NOVA1: variants seen among roughly 807,000 people sequenced by gnomAD.
NOVA1 encodes the protein RNA-binding protein Nova-1.
Under a neutral mutation model 38.0 loss-of-function variants are expected in NOVA1, and 7 were observed. That is an observed-to-expected ratio of 0.18 (90% CI 0.10 to 0.35). The LOEUF (loss-of-function observed/expected upper bound fraction) is 0.35, where lower values mean the gene tolerates loss of function less well. Ranked by LOEUF, NOVA1 falls within the 10% of genes least tolerant of loss-of-function variation. NOVA1 has a pLI of 1.00. For synonymous variants in NOVA1, 270 were observed against 232.5 expected (o/e 1.16, Z -1.47); for missense variants, 460 against 616.0 (o/e 0.75, Z 2.68).
At chr14:26,475,291 A>G (rs1187653383) in intron 3 of NOVA1, among the ~76,000 whole-genome samples, 3 of 152,144 alleles carry the variant, frequency 2.0e-5, no homozygotes, top group Non-Finnish European at 4.4e-5. Context: ...TTGGCCTCCT[A>G]AAAGTGCTCA....
intron 2 of NOVA1, among the ~76,000 whole-genome samples, chr14:26,565,786 T>C (rs1426104455): frequency 6.6e-6 from 1 of 152,160 alleles, no homozygotes; most frequent in Non-Finnish European, 1.5e-5. Context: ...CTTTTTAATC[T>C]TCTTTAATCC....
rs76339268 is a variant in NOVA1, at chr14:26,550,494, T to C, written c.280+44916A>G. Among the ~76,000 whole-genome samples the C allele has an allele frequency of 6.6e-5, 10 of 152,274 alleles. No individual in the cohort carries two copies. In the East Asian group the frequency reaches 1.9e-3, roughly 29 times the overall value. The stretch of plus-strand genomic sequence containing the variant: ...AAGAATGAATCAACCAAGTTTGAGA[T>C]CACTTTAGCTCATTAGTACAGAAAA... On this transcript the variant is annotated intron_variant, in intron 2 of 4. Transcript: ENST00000539517.
chr14:26,534,502 T>C (rs1316421482), intron 2 of NOVA1, among the ~76,000 whole-genome samples: 1 of 151,566 alleles, frequency 6.6e-6, no homozygotes, highest in Non-Finnish European at 1.5e-5. Context: ...ACTATAAAAA[T>C]AAAAAAACAT....
intron 4 of NOVA1, among the ~76,000 whole-genome samples, chr14:26,456,027 A>G (rs1289953368): frequency 6.6e-6 from 1 of 152,004 alleles, no homozygotes; most frequent in Non-Finnish European, 1.5e-5. Flanking sequence ...CTTTGAAATC[A>G]TTATTATTTT....
At chr14:26,507,130 C>G (rs995881361) in intron 2 of NOVA1, among the ~76,000 whole-genome samples, 1 of 152,042 alleles carries the variant, frequency 6.6e-6, no homozygotes, top group Admixed American at 6.6e-5. Flanking sequence ...CATAAATTAG[C>G]ATTTGTTTTA....
At chr14:26,505,984 T>G (rs1041203515) in intron 2 of NOVA1, among the ~76,000 whole-genome samples, 1 of 152,108 alleles carries the variant, frequency 6.6e-6, no homozygotes, top group African/African-American at 2.4e-5. Flanking sequence ...AATGATACAT[T>G]TAGTGAAATT....
chr14:26,585,794 CA>C (rs1296202303), intron 2 of NOVA1, among the ~76,000 whole-genome samples: 1 of 49,574 alleles, frequency 2.0e-5, no homozygotes, highest in East Asian at 6.9e-4. Flanking sequence ...GCATGCTAAA[CA>C]GAACGCAAAA....
intron 2 of NOVA1, among the ~76,000 whole-genome samples, chr14:26,480,423 C>T (rs1671229591): frequency 6.6e-6 from 1 of 152,054 alleles, no homozygotes; most frequent in Non-Finnish European, 1.5e-5. Flanking sequence ...ATAACAAATA[C>T]TTATTGAGTA....
At chr14:26,474,224 T>C (rs934515777) in intron 3 of NOVA1, among the ~76,000 whole-genome samples, 1 of 151,980 alleles carries the variant, frequency 6.6e-6, no homozygotes, top group African/African-American at 2.4e-5. Context: ...AGAATCCATG[T>C]TGATTAACCT....
chr14:26,455,499 G>A (rs530355543), intron 4 of NOVA1, among the ~76,000 whole-genome samples: 1 of 152,094 alleles, frequency 6.6e-6, no homozygotes, highest in African/African-American at 2.4e-5. Context: ...AGCATTATGA[G>A]AAAATTCTGT....
intron 2 of NOVA1, among the ~76,000 whole-genome samples, chr14:26,488,574 C>CAA (rs1324106785): frequency 6.6e-6 from 1 of 151,894 alleles, no homozygotes; most frequent in African/African-American, 2.4e-5. Context: ...TGAGGCCATG[C>CAA]AAAAAACAGT....
At chr14:26,580,073 T>C (rs184213971) in intron 2 of NOVA1, among the ~76,000 whole-genome samples, 70 of 152,018 alleles carry the variant, frequency 4.6e-4, no homozygotes, top group African/African-American at 1.7e-3. Context: ...TAAAAAAATC[T>C]TACTAACAGC....
chr14:26,520,168 G>A (rs1888766440), intron 2 of NOVA1, among the ~76,000 whole-genome samples: 1 of 152,206 alleles, frequency 6.6e-6, no homozygotes, highest in Non-Finnish European at 1.5e-5. Context: ...CCTAATTCAT[G>A]TAAAGTTGAC....
At chr14:26,491,818 C>T (rs1040954247) in intron 2 of NOVA1, among the ~76,000 whole-genome samples, 8 of 152,094 alleles carry the variant, frequency 5.3e-5, no homozygotes, top group African/African-American at 1.2e-4. Context: ...CAGTACCAGA[C>T]TCTTTTGGTT....
chr14:26,448,053 G>T lies in NOVA1; in HGVS notation c.1430C>A (p.Thr477Lys), dbSNP rs866178811. The change falls in exon 5 of 5, where the codon ACA becomes AAA. Residue 477 changes from threonine (T) to lysine (K), a missense_variant. Thr to Lys is a moderately conservative substitution (Grantham distance 78). Coordinates refer to ENST00000539517, the MANE Select transcript of NOVA1 (RefSeq NM_002515.3). This position sits in a 1 kb window ranked among gnomAD's most constrained non-coding sequence, Gnocchi z 5.3. The stretch of plus-strand genomic sequence containing the variant: ...TTGAGCAGCCTGTGTTGCAGCTGGT[G>T]TTCCAGTAATGGTTACCTTCCGATT... ...TRNRKVTITG[T>K]PAATQAAQYL... The T allele has an allele frequency of 6.2e-7, 1 of 1,614,064 alleles. No homozygotes were observed.
At chr14:26,549,914 A>G (rs1891061960) in intron 2 of NOVA1, 2 of 304,634 alleles carry the variant, frequency 6.6e-6, no homozygotes, top group South Asian at 3.0e-5. Context: ...AATATATAAG[A>G]ACAAAGTGGC....
chr14:26,511,580 T>C (rs374648378), intron 2 of NOVA1, among the ~76,000 whole-genome samples: 181 of 151,990 alleles, frequency 1.2e-3, no homozygotes, highest in African/African-American at 3.2e-3. Context: ...GGTGAAACCC[T>C]GTCTCTACTA....
intron 2 of NOVA1, among the ~76,000 whole-genome samples, chr14:26,494,562 T>C (rs553540177): frequency 3.9e-4 from 59 of 152,212 alleles, no homozygotes; most frequent in African/African-American, 1.4e-3. Flanking sequence ...TATAGTATTA[T>C]GGCATTTTAC....
chr14:26,462,019 T>C (rs1037301056), intron 4 of NOVA1, among the ~76,000 whole-genome samples: 5 of 152,128 alleles, frequency 3.3e-5, no homozygotes, highest in Non-Finnish European at 7.4e-5. Flanking sequence ...CCTCTAACTG[T>C]ATTTAATAAT....
Sources: allele counts gnomAD v4.1 joint callset (sites outside exome capture counted in the v4.1 genomes callset), GRCh38; gene constraint gnomAD v4.1.1; non-coding constraint Gnocchi (gnomAD v3.1); transcripts MANE v1.5; gene names NCBI Gene and HGNC (gene_info 2026-07-23, HGNC 2026-07-21).